The following NXPH2 variants were observed in gnomAD, a reference collection of about 807,000 sequenced individuals.
The protein encoded by NXPH2 is neurexophilin 2, also known as neurexophilin-2.
A neutral mutation model predicts 19.8 loss-of-function variants in NXPH2; 5 were observed. That is an observed-to-expected ratio of 0.25 (90% CI 0.13 to 0.53). The LOEUF is 0.53. NXPH2 is among the 20% of genes least tolerant of loss of function. The probability of loss-of-function intolerance (pLI) is 0.96; values close to 1 mark genes in which losing one functional copy is unlikely to be tolerated. For missense variants in NXPH2, 289 were observed against 322.8 expected (o/e 0.90, Z 0.80); for synonymous variants, 154 against 127.4 (o/e 1.21, Z -1.41).
Position 138,780,317 on chromosome 2 carries a change from G to A in NXPH2, c.-76C>T. 8.3e-7 allele frequency: 1 copy of A among 1,198,504 alleles called. No individual in the cohort carries two copies. The highest frequency in any genetic ancestry group is 1.1e-6 in the Non-Finnish European group (1 of 920,846). 74.2% of individuals were successfully genotyped at this position (1,198,504 alleles called of 1,614,324 possible). A position where few individuals can be genotyped will look rare whatever the true frequency, so the allele number is the denominator to read the frequency against. On this transcript the variant is annotated 5_prime_UTR_variant, in exon 1 of 2. Coordinates refer to ENST00000272641, the MANE Select transcript of NXPH2 (RefSeq NM_007226.3). ...CGCGCATCTCCACTTCGCGGGGCAG[G>A]ACTGAGGACGCCAGGGACACAGCGC...
chr2:138,758,209 T>A (rs1297129143), intron 1 of NXPH2, among the ~76,000 whole-genome samples: 1 of 152,104 alleles, frequency 6.6e-6, no homozygotes, highest in Non-Finnish European at 1.5e-5. Flanking sequence ...TTGACAAAGC[T>A]GATTGCTGAT....
intron 1 of NXPH2, among the ~76,000 whole-genome samples, chr2:138,702,800 G>T (rs1441734602): frequency 6.6e-6 from 1 of 152,084 alleles, no homozygotes; most frequent in Non-Finnish European, 1.5e-5. Context: ...AAAAGTGAAA[G>T]ATTTTTAAAT....
At chr2:138,769,562 T>G (rs1334028503) in intron 1 of NXPH2, among the ~76,000 whole-genome samples, 3 of 152,182 alleles carry the variant, frequency 2.0e-5, no homozygotes, top group Non-Finnish European at 4.4e-5. Context: ...AAGTCAAGCA[T>G]GCTGAGCAGG....
At chr2:138,762,854 A>G (rs904877401) in intron 1 of NXPH2, among the ~76,000 whole-genome samples, 9 of 152,222 alleles carry the variant, frequency 5.9e-5, no homozygotes, top group Admixed American at 1.3e-4. Context: ...TAATGAGAAG[A>G]GGAGCTATTC....
At chr2:138,701,964 T>C (rs1008880846) in intron 1 of NXPH2, among the ~76,000 whole-genome samples, 17 of 152,150 alleles carry the variant, frequency 1.1e-4, no homozygotes, top group Non-Finnish European at 2.1e-4. Context: ...ATAGGAGAGG[T>C]CGGTTACTCC....
chr2:138,691,235 C>A (rs1276183577), intron 1 of NXPH2, among the ~76,000 whole-genome samples: 1 of 152,142 alleles, frequency 6.6e-6, no homozygotes, highest in African/African-American at 2.4e-5. Flanking sequence ...TCTATTCCAA[C>A]TGCAAAATTC....
At chr2:138,764,880 A>C (rs114707338) in intron 1 of NXPH2, among the ~76,000 whole-genome samples, 1,617 of 152,318 alleles carry the variant, frequency 0.011, 25 homozygotes, top group African/African-American at 0.036. Flanking sequence ...AGCTTAGCAT[A>C]GTGCCATGCC....
intron 1 of NXPH2, among the ~76,000 whole-genome samples, chr2:138,699,858 C>T (rs1327654450): frequency 2.0e-5 from 3 of 152,206 alleles, no homozygotes; most frequent in Non-Finnish European, 4.4e-5. Context: ...GAAAGTAAAT[C>T]TATTTTGGCT....
chr2:138,764,825 T>A (rs1445461786), intron 1 of NXPH2, among the ~76,000 whole-genome samples: 1 of 152,218 alleles, frequency 6.6e-6, no homozygotes, highest in African/African-American at 2.4e-5. Flanking sequence ...ATACCTGATT[T>A]ATCAGGAAGA....
chr2:138,705,161 G>A (rs189680444), intron 1 of NXPH2, among the ~76,000 whole-genome samples: 2 of 151,682 alleles, frequency 1.3e-5, no homozygotes. Context: ...ATGGAGTCTC[G>A]ATACGTTGCT....
chr2:138,688,832 C>A (rs561646239), intron 1 of NXPH2, among the ~76,000 whole-genome samples: 4 of 152,182 alleles, frequency 2.6e-5, no homozygotes, highest in South Asian at 4.1e-4. Context: ...CACCGCCCCC[C>A]CAACCCCCGG....
At chr2:138,729,147 A>T (rs1355934285) in intron 1 of NXPH2, among the ~76,000 whole-genome samples, 1 of 152,142 alleles carries the variant, frequency 6.6e-6, no homozygotes, top group African/African-American at 2.4e-5. Flanking sequence ...TTAGTGCCTG[A>T]TACGGTTTGG....
intron 1 of NXPH2, among the ~76,000 whole-genome samples, chr2:138,755,904 T>C (rs1681900730): frequency 6.6e-6 from 1 of 152,034 alleles, no homozygotes; most frequent in Non-Finnish European, 1.5e-5. Context: ...ATAAGATTTA[T>C]ACTTAAATAT....
chr2:138,703,319 C>T (rs1276339746), intron 1 of NXPH2, among the ~76,000 whole-genome samples: 1 of 152,170 alleles, frequency 6.6e-6, no homozygotes, highest in South Asian at 2.1e-4. Flanking sequence ...TAATGAACGT[C>T]TCCCAGCTGT....
chr2:138,696,126 T>C (rs12616071), intron 1 of NXPH2, among the ~76,000 whole-genome samples: 112,748 of 152,148 alleles, frequency 0.74, 46,239 homozygotes, highest in East Asian at 0.99. Context: ...TGGGAAAGTG[T>C]CTGGAAGAAT....
At chr2:138,772,453 C>T (rs1402928471) in intron 1 of NXPH2, among the ~76,000 whole-genome samples, 4 of 152,218 alleles carry the variant, frequency 2.6e-5, no homozygotes, top group Non-Finnish European at 1.5e-5. Context: ...TGCGCCACCA[C>T]GCCTGGCTAA....
At chr2:138,724,974 C>T (rs557203848) in intron 1 of NXPH2, among the ~76,000 whole-genome samples, 2 of 152,268 alleles carry the variant, frequency 1.3e-5, no homozygotes, top group Admixed American at 1.3e-4. Context: ...TGCTACTGAG[C>T]TCTCCCTTAT....
intron 1 of NXPH2, among the ~76,000 whole-genome samples, chr2:138,778,140 T>C (rs1682294685): frequency 6.6e-6 from 1 of 152,130 alleles, no homozygotes; most frequent in Non-Finnish European, 1.5e-5. Flanking sequence ...CTAACCCCCT[T>C]GTGTTATAAG....
At chr2:138,688,983 A>C (rs964260053) in intron 1 of NXPH2, among the ~76,000 whole-genome samples, 1 of 152,234 alleles carries the variant, frequency 6.6e-6, no homozygotes, top group Non-Finnish European at 1.5e-5. Context: ...CACATGTTTA[A>C]TAAATATGTT....
Sources: gnomAD v4.1 joint callset for allele counts (sites outside exome capture counted in the v4.1 genomes callset) on GRCh38, gnomAD v4.1.1 for gene constraint, MANE v1.5 for transcripts, NCBI Gene and HGNC (gene_info 2026-07-23, HGNC 2026-07-21) for gene names.